The following ITPRID1 variants were observed in gnomAD, a reference collection of about 807,000 sequenced individuals.
ITPRID1 encodes the protein protein ITPRID1.
ITPRID1 carries 96 observed loss-of-function variants against 95.4 expected under a neutral mutation model. The observed-to-expected ratio is 1.01, with a 90% confidence interval of 0.85 to 1.19. ITPRID1 has a LOEUF of 1.19. ITPRID1 is among the 50% of genes most tolerant of loss of function. The pLI is 0.00. For synonymous variants in ITPRID1, 510 were observed against 453.6 expected (o/e 1.12, Z -1.58); for missense variants, 1,339 against 1,252.9 (o/e 1.07, Z -1.04).
intron 1 of ITPRID1, among the ~76,000 whole-genome samples, chr7:31,542,889 T>C (rs538420578): frequency 6.6e-6 from 1 of 152,176 alleles, no homozygotes. Context: ...TCATGTGGAC[T>C]GAAAGGTCCC....
intron 1 of ITPRID1, among the ~76,000 whole-genome samples, chr7:31,515,298 GAA>G (rs1783009891): frequency 2.1e-5 from 3 of 143,110 alleles, no homozygotes; most frequent in Non-Finnish European, 4.6e-5. Context: ...AAAAAAAAAA[GAA>G]AAAACAGAGA....
intron 10 of ITPRID1, among the ~76,000 whole-genome samples, chr7:31,633,585 C>T (rs1241108395): frequency 6.6e-6 from 1 of 152,206 alleles, no homozygotes; most frequent in Non-Finnish European, 1.5e-5. Context: ...CACTACCGCC[C>T]ATTGTCCTGA....
chr7:31,520,840 C>T (rs990681750), intron 1 of ITPRID1, among the ~76,000 whole-genome samples: 2 of 151,892 alleles, frequency 1.3e-5, no homozygotes, highest in Non-Finnish European at 2.9e-5. Flanking sequence ...TTAAGTTAAA[C>T]ATGAGTTAAT....
chr7:31,558,477 C>CT lies in ITPRID1; in HGVS notation c.256+3585dup, dbSNP rs998690414. 2.4e-3 allele frequency among the ~76,000 whole-genome samples: 370 copies of CT among 151,586 alleles called. 1 individual carries two copies. Among genetic ancestry groups the CT allele is most frequent in the African/African-American group, 8.0e-3 (332 of 41,308 alleles). ...TTCTTTTGATGTGGTGCAATACTAA[C>CT]TTTTTTTTTATGTCAGTAAAGTGTC... On this transcript the variant is annotated intron_variant, in intron 5 of 14. Transcript: ENST00000615280.
chr7:31,642,584 C>G lies in ITPRID1; in HGVS notation c.1312-98C>G, dbSNP rs1790122987. On this transcript the variant is annotated intron_variant, in intron 11 of 14. Coordinates refer to ENST00000615280, the MANE Select transcript of ITPRID1 (RefSeq NM_001257967.3). Reference sequence around the variant, plus strand: ...AACCTGATGTTGCAACCCTTATCTCCTGACTCCTAAGGCAATGACAAGAAG... The same window carrying G: ...AACCTGATGTTGCAACCCTTATCTCGTGACTCCTAAGGCAATGACAAGAAG... The G allele has an allele frequency of 3.6e-6, 4 of 1,102,334 alleles. No homozygotes were observed. The African/African-American group carries it at 6.3e-5, about 17-fold the overall frequency. 68.3% of individuals were successfully genotyped at this position (1,102,334 alleles called of 1,614,324 possible). A position where few individuals can be genotyped will look rare whatever the true frequency, so the allele number is the denominator to read the frequency against.
In ITPRID1 at chr7:31,553,172, A is replaced by G. The variant is rs1195574751; in HGVS notation, c.148A>G (p.Thr50Ala). 6 of 1,581,736 alleles carry G rather than the reference A, an allele frequency of 3.8e-6. No individual in the cohort carries two copies. The highest frequency in any genetic ancestry group is 3.5e-5 in the South Asian group (3 of 86,520). Residue 50 changes from threonine (T) to alanine (A), a missense_variant, in exon 3 of 15, where the codon ACC becomes GCC. By Grantham distance (58) the Thr-to-Ala change is moderately conservative. Coordinates refer to ENST00000615280, the MANE Select transcript of ITPRID1 (RefSeq NM_001257967.3). ...PDPEEESQSL[T>A]IPMLEDSKQE... ...CCCTGAGGAGGAAAGCCAGAGTCTCACCATCCCCATGCTGGGTGAGAAGGA... is the reference window on the plus strand; with the variant it reads ...CCCTGAGGAGGAAAGCCAGAGTCTCGCCATCCCCATGCTGGGTGAGAAGGA...
intron 10 of ITPRID1, among the ~76,000 whole-genome samples, chr7:31,625,306 T>C (rs1029266365): frequency 2.0e-5 from 3 of 151,954 alleles, no homozygotes; most frequent in Admixed American, 1.3e-4. Flanking sequence ...CATGCTGCTA[T>C]AAAGACACAT....
rs1790154419 is a variant in ITPRID1 at position 31,642,911 on chromosome 7, C to T, written c.1541C>T (p.Pro514Leu). The T allele has an allele frequency of 1.9e-6, 3 of 1,613,890 alleles. No individual in the cohort carries two copies. The highest frequency in any genetic ancestry group is 1.7e-5 in the Admixed American group (1 of 59,998). Residue 514 changes from proline (P) to leucine (L), a missense_variant, in exon 12 of 15, where the codon CCA (proline) becomes CTA (leucine). Pro to Leu is a moderately conservative substitution (Grantham distance 98, BLOSUM62 -3). Coordinates refer to ENST00000615280, the MANE Select transcript of ITPRID1 (RefSeq NM_001257967.3). The part of the protein sequence containing the change: ...EEFLLEAMEG[P>L]PELYIPDMAC... ...TTTCTGCTTGAGGCCATGGAGGGGC[C>T]ACCAGAGCTGTATATCCCAGACATG... is the stretch of plus-strand genomic sequence containing the variant.
rs1790185339 is a variant in ITPRID1 at position 31,643,229 on chromosome 7, A to G, written c.1859A>G (p.Glu620Gly). ...GTTGACTCTGAGGCCCCACGAGAAGAGGAAAGCAGTGGATTCTGTCCTCAC... is the reference window on the plus strand; with the variant it reads ...GTTGACTCTGAGGCCCCACGAGAAGGGGAAAGCAGTGGATTCTGTCCTCAC... ...LHVDSEAPRE[E>G]ESSGFCPHTN... The change falls in exon 12 of 15, where the codon GAG (glutamate) becomes GGG (glycine). Residue 620 changes from glutamate to glycine, a missense_variant. Physicochemically the swap from Glu to Gly is moderately conservative, Grantham distance 98. Coordinates refer to ENST00000615280, the MANE Select transcript of ITPRID1 (RefSeq NM_001257967.3). 1.2e-6 allele frequency: 2 copies of G among 1,613,956 alleles called. No homozygotes were observed. The highest frequency in any genetic ancestry group is 1.7e-6 in the Non-Finnish European group (2 of 1,179,886).
chr7:31,554,969 TA>T, intron 5 of ITPRID1, 68 bp downstream of exon 5: 1 of 1,137,354 alleles, frequency 8.8e-7, no homozygotes, highest in Non-Finnish European at 1.3e-6. Context: ...TCTACGTGAA[TA>T]AATCTTCTTA....
intron 12 of ITPRID1, among the ~76,000 whole-genome samples, chr7:31,650,806 A>G (rs1005062040): frequency 3.9e-5 from 6 of 152,170 alleles, no homozygotes; most frequent in African/African-American, 1.4e-4. Flanking sequence ...AATTTCTCAC[A>G]AACCCTTACT....
Position 31,654,066 on chromosome 7 carries a change from A to C in ITPRID1, c.*1237A>C, listed in dbSNP as rs1390176806. On this transcript the variant is annotated 3_prime_UTR_variant, in exon 15 of 15. Coordinates refer to ENST00000615280, the MANE Select transcript of ITPRID1 (RefSeq NM_001257967.3). Reference sequence around the variant, plus strand: ...GAAGAGTAAGTCCAAAAAAAAAAAAAAAAAAACCAACAAGCAAATAATTAC... The same window carrying C: ...GAAGAGTAAGTCCAAAAAAAAAAAACAAAAAACCAACAAGCAAATAATTAC... 3.9e-5 allele frequency among the ~76,000 whole-genome samples: 6 copies of C among 152,194 alleles called. No homozygotes were observed. The highest frequency in any genetic ancestry group is 2.0e-4 in the Admixed American group (3 of 15,280).
intron 5 of ITPRID1, among the ~76,000 whole-genome samples, chr7:31,565,980 G>T (rs1188679408): frequency 2.0e-5 from 3 of 152,126 alleles, no homozygotes; most frequent in Non-Finnish European, 4.4e-5. Context: ...GGTCCACTTT[G>T]CACATTCCCT....
At chr7:31,522,960 C>T (rs915328025) in intron 1 of ITPRID1, among the ~76,000 whole-genome samples, 2 of 152,134 alleles carry the variant, frequency 1.3e-5, no homozygotes, top group African/African-American at 4.8e-5. Context: ...ATCCTGCCAC[C>T]TATATTGTAT....
rs921273398 is a variant in ITPRID1, at chr7:31,646,812, C to T, written c.2583+2859C>T. ...TTGAATGGGTGTGAGGGCCACCATCCGAAAGCTTCTAATGCCTTGTCTCCT... is the reference window on the plus strand; with the variant it reads ...TTGAATGGGTGTGAGGGCCACCATCTGAAAGCTTCTAATGCCTTGTCTCCT... On this transcript the variant is annotated intron_variant, in intron 12 of 14. Transcript: ENST00000615280. 3.9e-5 allele frequency among the ~76,000 whole-genome samples: 6 copies of T among 152,122 alleles called. No individual in the cohort carries two copies. The East Asian group carries it at 9.6e-4, about 24-fold the overall frequency.
intron 10 of ITPRID1, among the ~76,000 whole-genome samples, chr7:31,616,215 A>G (rs1269371019): frequency 1.3e-5 from 2 of 152,032 alleles, no homozygotes; most frequent in Non-Finnish European, 2.9e-5. Context: ...TAAATTGACC[A>G]TGGTTTTTAA....
chr7:31,658,129 C>A (rs1042867700), downstream of ITPRID1: 7 of 527,308 alleles, frequency 1.3e-5, no homozygotes, highest in African/African-American at 1.1e-4. Context: ...AAAGATGAAA[C>A]CTTGAGGGTT....
intron 10 of ITPRID1, among the ~76,000 whole-genome samples, chr7:31,625,679 G>C (rs1008335589): frequency 1.3e-5 from 2 of 151,994 alleles, no homozygotes; most frequent in African/African-American, 2.4e-5. Flanking sequence ...GCTAGATGAC[G>C]AGTTAGTGGG....
intron 1 of ITPRID1, among the ~76,000 whole-genome samples, chr7:31,547,558 AC>A (rs1784140496): frequency 6.6e-6 from 1 of 152,036 alleles, no homozygotes; most frequent in Non-Finnish European, 1.5e-5. Flanking sequence ...ATAACCTCCT[AC>A]CGGGTCCTTC....
Sources: allele counts gnomAD v4.1 joint callset (sites outside exome capture counted in the v4.1 genomes callset), GRCh38; gene constraint gnomAD v4.1.1; transcripts MANE v1.5; gene names NCBI Gene and HGNC (gene_info 2026-07-23, HGNC 2026-07-21).